PCCA: variants seen among roughly 807,000 people sequenced by gnomAD.
PCCA encodes the protein propionyl-CoA carboxylase subunit alpha.
A neutral mutation model predicts 101.3 loss-of-function variants in PCCA; 74 were observed. That is an observed-to-expected ratio of 0.73 (90% confidence interval 0.61 to 0.89). The LOEUF is 0.89. Ranked by LOEUF, PCCA falls within the 40% of genes least tolerant of loss-of-function variation. The pLI is 0.00. For missense variants in PCCA, 891 were observed against 907.0 expected (o/e 0.98, Z 0.23); for synonymous variants, 294 against 313.6 (o/e 0.94, Z 0.66).
chr13:100,453,555 C>A (rs900062978), intron 21 of PCCA, among the ~76,000 whole-genome samples: 2 of 151,772 alleles, frequency 1.3e-5, no homozygotes, highest in Non-Finnish European at 2.9e-5. Flanking sequence ...TGGAGCTGAA[C>A]TAAGCTGTCT....
chr13:100,126,163 A>T (rs995126698), intron 4 of PCCA, among the ~76,000 whole-genome samples: 2 of 152,222 alleles, frequency 1.3e-5, no homozygotes, highest in Non-Finnish European at 2.9e-5. Context: ...CAAATTCAAT[A>T]TGTATATGAG....
At chr13:100,174,307 G>A (rs1164501463) in intron 6 of PCCA, among the ~76,000 whole-genome samples, 2 of 151,790 alleles carry the variant, frequency 1.3e-5, no homozygotes, top group African/African-American at 4.8e-5. Context: ...TAAAAAGCTC[G>A]AGTTTCACTG....
chr13:100,473,368 C>T (rs140251671), intron 21 of PCCA: 96 of 152,284 alleles, frequency 6.3e-4, no homozygotes, highest in African/African-American at 2.2e-3. Flanking sequence ...TTTCTCCTGC[C>T]CTTAGGGTGG....
At chr13:100,308,721 G>A (rs2066667291) in intron 15 of PCCA, among the ~76,000 whole-genome samples, 4 of 152,120 alleles carry the variant, frequency 2.6e-5, no homozygotes, top group African/African-American at 7.2e-5. Context: ...AATATTATAC[G>A]TTGATTTTTA....
chr13:100,470,066 C>T (rs1426698168), intron 21 of PCCA, among the ~76,000 whole-genome samples: 1 of 152,162 alleles, frequency 6.6e-6, no homozygotes, highest in African/African-American at 2.4e-5. Context: ...TTCCAGGAGA[C>T]TTCATGGTTC....
chr13:100,249,805 C>G (rs888713485), intron 8 of PCCA, among the ~76,000 whole-genome samples: 1 of 152,056 alleles, frequency 6.6e-6, no homozygotes, highest in Non-Finnish European at 1.5e-5. Flanking sequence ...AAGATTCATG[C>G]CTATTTTATT....
At chr13:100,448,433 C>T (rs564046906) in intron 20 of PCCA, among the ~76,000 whole-genome samples, 10 of 152,106 alleles carry the variant, frequency 6.6e-5, no homozygotes, top group Non-Finnish European at 1.5e-4. Flanking sequence ...CCTCGTGATC[C>T]GCCTGCCTCA....
At chr13:100,207,800 A>C (rs959644725) in intron 6 of PCCA, among the ~76,000 whole-genome samples, 1 of 151,854 alleles carries the variant, frequency 6.6e-6, no homozygotes, top group African/African-American at 2.4e-5. Context: ...CTGGTGGATC[A>C]TGAGATTAAG....
At chr13:100,216,807 A>G (rs1338427758) in intron 7 of PCCA, among the ~76,000 whole-genome samples, 1 of 152,216 alleles carries the variant, frequency 6.6e-6, no homozygotes, top group Non-Finnish European at 1.5e-5. Context: ...GAGAAAATAG[A>G]TAAGTATATA....
chr13:100,344,446 T>C (rs2071882117), intron 18 of PCCA, among the ~76,000 whole-genome samples: 1 of 152,226 alleles, frequency 6.6e-6, no homozygotes, highest in African/African-American at 2.4e-5. Context: ...TTTGACTGTT[T>C]CTTCTTTAAT....
intron 21 of PCCA, among the ~76,000 whole-genome samples, chr13:100,494,886 A>ATCCCAAGACTTATCTCAAATCC (rs912958366): frequency 1.3e-5 from 2 of 152,002 alleles, no homozygotes; most frequent in African/African-American, 4.8e-5. Context: ...GATTTATTTT[A>ATCCCAAGACTTATCTCAAATCC]TCCCAAGACT....
At chr13:100,151,106 C>G (rs1217847328) in intron 4 of PCCA, 3 of 1,260,482 alleles carry the variant, frequency 2.4e-6, no homozygotes, top group Middle Eastern at 2.7e-4. Context: ...CTTGGCTTAC[C>G]TGATGGCTGC....
At chr13:100,458,119 T>G (rs2081881696) in intron 21 of PCCA, among the ~76,000 whole-genome samples, 2 of 152,128 alleles carry the variant, frequency 1.3e-5, no homozygotes, top group African/African-American at 4.8e-5. Flanking sequence ...TTTCAGTCCT[T>G]TCGCTTATAA....
At position 100,188,218 on chromosome 13, in the gene PCCA, G is replaced by A. The variant is rs60752873; in HGVS notation, c.469-21114G>A. Among the ~76,000 whole-genome samples the A allele has an allele frequency of 7.8e-3, 1,187 of 152,220 alleles. 16 individuals are homozygous for A. The highest frequency in any genetic ancestry group is 0.027 in the African/African-American group (1,133 of 41,540). On this transcript the variant is annotated intron_variant, in intron 6 of 23. Coordinates refer to ENST00000376285, the MANE Select transcript of PCCA (RefSeq NM_000282.4). Reference sequence around the variant, plus strand: ...TGAGGCAGGAGAATCGCTTGAAGCCGGGAGGTGGAGGTTGCAGTGAGCCGA... The same window carrying A: ...TGAGGCAGGAGAATCGCTTGAAGCCAGGAGGTGGAGGTTGCAGTGAGCCGA...
intron 15 of PCCA, among the ~76,000 whole-genome samples, chr13:100,308,392 T>G (rs1219289423): frequency 6.6e-6 from 1 of 152,156 alleles, no homozygotes; most frequent in Non-Finnish European, 1.5e-5. Context: ...TATCATGATC[T>G]TGGCTCAGTG....
At chr13:100,420,936 G>A (rs1400903337) in intron 19 of PCCA, among the ~76,000 whole-genome samples, 3 of 152,224 alleles carry the variant, frequency 2.0e-5, no homozygotes, top group Non-Finnish European at 2.9e-5. Context: ...AGTGGATGTA[G>A]TGGCTCATGC....
At chr13:100,422,110 C>CTTTCTTTCTTTCTTCCTTTCT (rs2078845067) in intron 19 of PCCA, among the ~76,000 whole-genome samples, 1 of 116,112 alleles carries the variant, frequency 8.6e-6, no homozygotes, top group Non-Finnish European at 1.8e-5. Flanking sequence ...TTCTTTCTTT[C>CTTTCTTTCTTTCTTCCTTTCT]TTTCTTTCTT....
At chr13:100,370,037 AG>A (rs2075463345) in intron 19 of PCCA, among the ~76,000 whole-genome samples, 1 of 151,678 alleles carries the variant, frequency 6.6e-6, no homozygotes, top group Admixed American at 6.6e-5. Context: ...ACCTTAATAA[AG>A]AAAACTGTCT....
intron 4 of PCCA, among the ~76,000 whole-genome samples, chr13:100,123,444 A>G (rs1254947903): frequency 1.3e-5 from 2 of 152,248 alleles, no homozygotes; most frequent in African/African-American, 4.8e-5. Flanking sequence ...TATATCAATA[A>G]GGTAGAAAAT....
Sources: allele counts gnomAD v4.1 joint callset (sites outside exome capture counted in the v4.1 genomes callset), GRCh38; gene constraint gnomAD v4.1.1; transcripts MANE v1.5; gene names NCBI Gene and HGNC (gene_info 2026-07-23, HGNC 2026-07-21).